PRDM14: variants seen among roughly 807,000 people sequenced by gnomAD.
The protein encoded by PRDM14 is PR/SET domain 14.
In PRDM14, 16 loss-of-function variants were observed where a neutral mutation model predicts 48.0. That is an observed-to-expected ratio of 0.33 (90% confidence interval 0.23 to 0.51). PRDM14 has a LOEUF of 0.51. Among genes scored for constraint, PRDM14 ranks in the 20% least tolerant of loss-of-function variants. The pLI is 0.97. For synonymous variants in PRDM14, 264 were observed against 276.6 expected, an observed-to-expected ratio of 0.95 and a Z score of 0.45; for missense variants, 566 against 719.6, an observed-to-expected ratio of 0.79 and a Z score of 2.44.
At position 70,069,446 on chromosome 8, in the gene PRDM14, CGTT is replaced by C. The variant is rs780889510; in HGVS notation, c.412_414del (p.Asn138del). On this transcript the variant is annotated inframe_deletion, in exon 2 of 8. Coordinates refer to ENST00000276594, the MANE Select transcript of PRDM14 (RefSeq NM_024504.4). ...TCAGGTCCACAACACGGGCCACTCTCGTTGTCGCCACCAATGATTTGGTGGCCC... is the reference window on the plus strand; with the variant it reads ...TCAGGTCCACAACACGGGCCACTCTCGTCGCCACCAATGATTTGGTGGCCC... The C allele has an allele frequency of 5.1e-6, 8 of 1,581,954 alleles. No homozygotes were observed. The highest frequency in any genetic ancestry group is 6.9e-6 in the Non-Finnish European group (8 of 1,162,566).
chr8:70,051,770 T>TTTTGTTTGTTTTG lies in PRDM14; in HGVS notation c.*306_*307insCAAAACAAACAAA, dbSNP rs374011937. On this transcript the variant is annotated 3_prime_UTR_variant, in exon 8 of 8. Transcript: ENST00000276594. The stretch of plus-strand genomic sequence containing the variant: ...CCACACTCTTGAGGGCTACTCATTT[T>TTTTGTTTGTTTTG]TTTTGTTTTGTTTTGTTTTGAGACA... 1.2e-5 allele frequency: 3 copies of TTTTGTTTGTTTTG among 247,492 alleles called. No individual in the cohort carries two copies. The highest frequency in any genetic ancestry group is 6.6e-5 in the African/African-American group (3 of 45,362). 15.3% of individuals were successfully genotyped at this position (247,492 alleles called of 1,614,324 possible). A position where few individuals can be genotyped will look rare whatever the true frequency, so the allele number is the denominator to read the frequency against.
chr8:70,067,531 C>CAA (rs751731521), intron 4 of PRDM14, among the ~76,000 whole-genome samples: 5 of 130,058 alleles, frequency 3.8e-5, no homozygotes, highest in African/African-American at 5.8e-5. Context: ...AAAAAAAAAA[C>CAA]AAAAAAAAAA....
At position 70,058,627 on chromosome 8, in the gene PRDM14, T is replaced by G. The variant is rs1460886042; in HGVS notation, c.1386+13A>C. 1.2e-6 allele frequency: 2 copies of G among 1,610,918 alleles called. No homozygotes were observed. Among genetic ancestry groups the G allele is most frequent in the Non-Finnish European group, 1.7e-6 (2 of 1,178,226 alleles). On this transcript the variant is annotated intron_variant, in intron 6 of 7. Coordinates refer to ENST00000276594, the MANE Select transcript of PRDM14 (RefSeq NM_024504.4). Reference sequence around the variant, plus strand: ...GAACGTGATGGTGGGTCATGTGTCCTCCTAATACTCACCTTGTGAGGCCGG... The same window carrying G: ...GAACGTGATGGTGGGTCATGTGTCCGCCTAATACTCACCTTGTGAGGCCGG...
chr8:70,063,879 T>C (rs1359293804), intron 5 of PRDM14, among the ~76,000 whole-genome samples: 1 of 152,190 alleles, frequency 6.6e-6, no homozygotes, highest in African/African-American at 2.4e-5. Flanking sequence ...CAACAGGTCT[T>C]GGTTTGGTGC....
intron 5 of PRDM14, among the ~76,000 whole-genome samples, chr8:70,064,176 CT>C (rs1805629114): frequency 6.6e-6 from 1 of 152,054 alleles, no homozygotes; most frequent in African/African-American, 2.4e-5. Context: ...CTGACAGCCC[CT>C]CATCATTGGG....
At position 70,052,004 on chromosome 8, in the gene PRDM14, A is replaced by C. The variant is rs1282639194; in HGVS notation, c.*73T>G. On this transcript the variant is annotated 3_prime_UTR_variant, in exon 8 of 8. Transcript: ENST00000276594. ...GCCCAGGCTGGTCTCGAACTCCTGG[A>C]CTTGAGTGATCCACCCACCTCTGCC... The C allele has an allele frequency of 1.1e-5, 11 of 1,041,370 alleles. No individual in the cohort carries two copies. Among genetic ancestry groups the C allele is most frequent in the Non-Finnish European group, 1.4e-5 (10 of 698,332 alleles). 64.5% of individuals were successfully genotyped at this position (1,041,370 alleles called of 1,614,324 possible). A position where few individuals can be genotyped will look rare whatever the true frequency, so the allele number is the denominator to read the frequency against.
chr8:70,057,544 C>T (rs777344337), intron 6 of PRDM14, among the ~76,000 whole-genome samples: 1 of 152,080 alleles, frequency 6.6e-6, no homozygotes, highest in Non-Finnish European at 1.5e-5. Context: ...GTTGGCCAGG[C>T]TGGTCTCGAA....
chr8:70,070,283 T>C (rs1374838941), intron 1 of PRDM14, among the ~76,000 whole-genome samples: 1 of 152,012 alleles, frequency 6.6e-6, no homozygotes, highest in Non-Finnish European at 1.5e-5. Context: ...ACAAAACTCG[T>C]TGGTAGGGTC....
At chr8:70,063,839 G>T (rs555828108) in intron 5 of PRDM14, among the ~76,000 whole-genome samples, 2 of 152,066 alleles carry the variant, frequency 1.3e-5, no homozygotes, top group Admixed American at 6.6e-5. Context: ...CTTTTATTTC[G>T]AAAGGAGTTG....
At position 70,068,289 on chromosome 8, in the gene PRDM14, C is replaced by T. The variant is rs761456122; in HGVS notation, c.853G>A (p.Gly285Ser). 1 of 1,614,184 alleles carries T rather than the reference C, an allele frequency of 6.2e-7. No individual in the cohort carries two copies. Among genetic ancestry groups the T allele is most frequent in the Non-Finnish European group, 8.5e-7 (1 of 1,180,036 alleles). Residue 285 changes from glycine (G) to serine (S), a missense_variant, in exon 4 of 8, where the codon GGT becomes AGT. Physicochemically the swap from Gly to Ser is moderately conservative, Grantham distance 56. This residue lies in a region of PRDM14 where 410 missense variants were observed against 424.6 expected (regional missense o/e 0.97). Coordinates refer to ENST00000276594, the MANE Select transcript of PRDM14 (RefSeq NM_024504.4). ...ACTTCACTGGCATTGACCACTTTAC[C>T]TTGAAAGGGCCCAAACCTGACTCCT... ...AKGVRFGPFQ[G>S]KVVNASEVKT...
In PRDM14 at chr8:70,052,141, C is replaced by A; in HGVS notation, c.1652G>T (p.Cys551Phe). Residue 551 changes from cysteine to phenylalanine, a missense_variant, in exon 8 of 8, where the codon TGT (cysteine) becomes TTT (phenylalanine). Physicochemically the swap from Cys to Phe is radical, Grantham distance 205. Coordinates refer to ENST00000276594, the MANE Select transcript of PRDM14 (RefSeq NM_024504.4). ...TTCTTGATCTGAGAAGATTTTCCCACAGATGCTGCATGAGCAGCCATCATC... is the reference window on the plus strand; with the variant it reads ...TTCTTGATCTGAGAAGATTTTCCCAAAGATGCTGCATGAGCAGCCATCATC... The part of the protein sequence containing the change: ...KEDDGCSCSI[C>F]GKIFSDQETF... The A allele has an allele frequency of 6.2e-7, 1 of 1,613,136 alleles. No homozygotes were observed. The highest frequency in any genetic ancestry group is 8.5e-7 in the Non-Finnish European group (1 of 1,179,870).
rs1294965473 is a variant in PRDM14 at position 70,051,725 on chromosome 8, C to T, written c.*352G>A. The T allele has an allele frequency of 3.3e-5, 6 of 182,840 alleles. No individual in the cohort carries two copies. The Admixed American group carries it at 3.4e-4, about 10-fold the overall frequency. 11.3% of individuals were successfully genotyped at this position (182,840 alleles called of 1,614,324 possible). ...AAAAGGAAATAGAGAGAATCCGAAT[C>T]TCTTGTTTTTACATTGTCTCCACAC... On this transcript the variant is annotated 3_prime_UTR_variant, in exon 8 of 8. Transcript: ENST00000276594.
At position 70,069,638 on chromosome 8, in the gene PRDM14, G is replaced by T. The variant is rs1018743670; in HGVS notation, c.223C>A (p.Pro75Thr). Reference sequence around the variant, plus strand: ...CCCAGACCCGGGCTCAGCAAGGGAGGCGCCATCCGGAAGGGGAAGGGGGGC... The same window carrying T: ...CCCAGACCCGGGCTCAGCAAGGGAGTCGCCATCCGGAAGGGGAAGGGGGGC... ...AMPPFPFRMAPPLLSPGLGLQ... is the reference protein window; with the variant it reads ...AMPPFPFRMATPLLSPGLGLQ... The change falls in exon 2 of 8, where the codon CCT (proline) becomes ACT (threonine). Residue 75 changes from proline to threonine, a missense_variant. This residue lies in a region of PRDM14 where 410 missense variants were observed against 424.6 expected (regional missense o/e 0.97). Coordinates refer to ENST00000276594, the MANE Select transcript of PRDM14 (RefSeq NM_024504.4). 9.6e-6 allele frequency: 15 copies of T among 1,570,404 alleles called. No homozygotes were observed. The highest frequency in any genetic ancestry group is 7.6e-5 in the Admixed American group (4 of 52,796).
intron 6 of PRDM14, among the ~76,000 whole-genome samples, chr8:70,056,810 CTG>C (rs1805480092): frequency 9.7e-6 from 1 of 102,760 alleles, no homozygotes; most frequent in Non-Finnish European, 1.7e-5. Flanking sequence ...CAGAGTGAGA[CTG>C]TCTCAAAAAA....
At chr8:70,070,481 G>C (rs1384350254) in intron 1 of PRDM14, among the ~76,000 whole-genome samples, 1 of 152,178 alleles carries the variant, frequency 6.6e-6, no homozygotes, top group African/African-American at 2.4e-5. Flanking sequence ...GCAGGTCCAG[G>C]GACCCCGCGA....
intron 5 of PRDM14, among the ~76,000 whole-genome samples, chr8:70,063,156 G>T (rs59607852): frequency 6.6e-6 from 1 of 151,974 alleles, no homozygotes; most frequent in Non-Finnish European, 1.5e-5. Flanking sequence ...AAAAATGGCC[G>T]GCCATGGTGT....
In PRDM14 at chr8:70,069,357, C is replaced by T; in HGVS notation, c.504G>A (p.Gln168=). ...SLLPEGLRTS[Q]LLPCSPSKQS... ...GCTTGCTGGGTGAGCAAGGTAATAA[C>T]TGGGAGGTCCTCAGCCCCTCAGGTA... is the stretch of plus-strand genomic sequence containing the variant. Residue 168 remains glutamine (Q), a synonymous_variant, in exon 2 of 8, where the codon CAG becomes CAA. Transcript: ENST00000276594. 1 of 1,612,034 alleles carries T rather than the reference C, an allele frequency of 6.2e-7. No homozygotes were observed. Among genetic ancestry groups the T allele is most frequent in the Non-Finnish European group, 8.5e-7 (1 of 1,178,960 alleles).
Position 70,069,792 on chromosome 8 carries a change from C to G in PRDM14, c.69G>C (p.Pro23=). 6.2e-7 allele frequency: 1 copy of G among 1,610,068 alleles called. No homozygotes were observed. The highest frequency in any genetic ancestry group is 8.5e-7 in the Non-Finnish European group (1 of 1,178,688). Residue 23 remains proline, a synonymous_variant, in exon 2 of 8, where the codon CCG becomes CCC. Transcript: ENST00000276594. ...GCGTGTAGTACGCGGCCAGGTTCTG[C>G]GGGCTGCTCTCCGGCGGGTAGCACA... ...DKVCYPPESS[P]QNLAAYYTPF...
chr8:70,065,041 T>G (rs959048264), intron 5 of PRDM14, among the ~76,000 whole-genome samples: 3 of 151,830 alleles, frequency 2.0e-5, no homozygotes, highest in Non-Finnish European at 2.9e-5. Context: ...TGTGTGCCAC[T>G]ACGCCCCGCT....
Sources: gnomAD v4.1 joint callset for allele counts (sites outside exome capture counted in the v4.1 genomes callset) on GRCh38, gnomAD v4.1.1 for gene constraint, gnomAD v4.1.1 regional missense constraint, MANE v1.5 for transcripts, NCBI Gene and HGNC (gene_info 2026-07-23, HGNC 2026-07-21) for gene names.